Variants in PCDHA11 observed in about 807,000 individuals in gnomAD.
PCDHA11 encodes the protein protocadherin alpha 11.
PCDHA11 carries 61 observed loss-of-function variants against 70.3 expected under a neutral mutation model. That is an observed-to-expected ratio of 0.87 (90% CI 0.71 to 1.07). The LOEUF is 1.07. Among genes scored for constraint, PCDHA11 ranks in the 50% least tolerant of loss-of-function variants. The pLI, the probability that PCDHA11 is intolerant of heterozygous loss-of-function variation, is 0.00. For synonymous variants in PCDHA11, 633 were observed against 555.1 expected (o/e 1.14, Z -1.97); for missense variants, 1,324 against 1,237.5 (o/e 1.07, Z -1.05).
chr5:140,899,101 G>T (rs1554188394), intron 1 of PCDHA11, among the ~76,000 whole-genome samples: 5 of 152,096 alleles, frequency 3.3e-5, no homozygotes, highest in Non-Finnish European at 7.4e-5. Context: ...CTGAGATAAT[G>T]GGGTTTTCTA....
chr5:140,942,759 G>A (rs2093365403), intron 1 of PCDHA11, among the ~76,000 whole-genome samples: 1 of 152,074 alleles, frequency 6.6e-6, no homozygotes, highest in Admixed American at 6.6e-5. Context: ...AAATGAGATG[G>A]CATAATGTAT....
intron 1 of PCDHA11, among the ~76,000 whole-genome samples, chr5:140,937,827 G>A (rs1328688983): frequency 2.6e-5 from 4 of 151,564 alleles, no homozygotes; most frequent in Non-Finnish European, 5.9e-5. Context: ...CAGGAGAATG[G>A]CATGAACCTG....
chr5:141,000,689 A>G (rs1469257297), intron 3 of PCDHA11, among the ~76,000 whole-genome samples: 1 of 151,438 alleles, frequency 6.6e-6, no homozygotes, highest in African/African-American at 2.4e-5. Context: ...CTGCCTCCCA[A>G]AGTGCTGGGA....
intron 1 of PCDHA11, among the ~76,000 whole-genome samples, chr5:140,923,976 A>G (rs1257687753): frequency 6.6e-6 from 1 of 152,176 alleles, no homozygotes; most frequent in Non-Finnish European, 1.5e-5. Context: ...CACACATACT[A>G]TCCCTCTAGG....
At chr5:140,995,653 G>A (rs964259982) in intron 3 of PCDHA11, among the ~76,000 whole-genome samples, 1 of 152,100 alleles carries the variant, frequency 6.6e-6, no homozygotes, top group Non-Finnish European at 1.5e-5. Context: ...AAGGAGAATC[G>A]AAAAGGGAAG....
At chr5:140,966,539 T>C in intron 1 of PCDHA11, 1 of 462,182 alleles carries the variant, frequency 2.2e-6, no homozygotes, top group South Asian at 5.8e-5. Flanking sequence ...GTTGAGCGAC[T>C]CGGAGGCGAG....
At chr5:140,956,403 A>C (rs1475566345) in intron 1 of PCDHA11, among the ~76,000 whole-genome samples, 1 of 152,178 alleles carries the variant, frequency 6.6e-6, no homozygotes, top group African/African-American at 2.4e-5. Context: ...ATCCATTGAG[A>C]TAATCATGTG....
chr5:140,941,201 TC>T (rs1462646812), intron 1 of PCDHA11, among the ~76,000 whole-genome samples: 2 of 103,500 alleles, frequency 1.9e-5, no homozygotes, highest in African/African-American at 7.9e-5. Context: ...TTTTCTTTCT[TC>T]CTTTCTTTCT....
intron 3 of PCDHA11, among the ~76,000 whole-genome samples, chr5:140,988,180 G>C (rs2097285964): frequency 1.3e-5 from 2 of 152,134 alleles, no homozygotes; most frequent in Admixed American, 1.3e-4. Context: ...TGACAGTCCT[G>C]GGAGGTGTGT....
chr5:140,892,497 T>C (rs1459778884), intron 1 of PCDHA11, among the ~76,000 whole-genome samples: 1 of 152,238 alleles, frequency 6.6e-6, no homozygotes, highest in Non-Finnish European at 1.5e-5. Context: ...GAGAGATTGT[T>C]TAAGAAGTTC....
At chr5:140,981,041 A>C (rs72802989) in intron 2 of PCDHA11, among the ~76,000 whole-genome samples, 7,382 of 152,278 alleles carry the variant, frequency 0.048, 205 homozygotes, top group Non-Finnish European at 0.065. Context: ...GGGAAAAAAA[A>C]CAGATAATTC....
At chr5:140,899,423 G>A (rs2067323431) in intron 1 of PCDHA11, among the ~76,000 whole-genome samples, 1 of 152,134 alleles carries the variant, frequency 6.6e-6, no homozygotes. Context: ...TTTGTCAAAG[G>A]TCTTTTCTGC....
rs1325390456 is a variant in PCDHA11, at chr5:140,928,073, A to G, written c.2392-50876A>G. 8.7e-6 allele frequency: 14 copies of G among 1,614,066 alleles called. No homozygotes were observed. The highest frequency in any genetic ancestry group is 8.0e-5 in the African/African-American group (6 of 74,934). On this transcript the variant is annotated intron_variant, in intron 1 of 3. Coordinates refer to ENST00000398640, the MANE Select transcript of PCDHA11 (RefSeq NM_018902.5). ...CAGCTGACGGCTTCCTTTGACAACTACTACAGCCTGCTGATTGATGGGCCC... is the reference window on the plus strand; with the variant it reads ...CAGCTGACGGCTTCCTTTGACAACTGCTACAGCCTGCTGATTGATGGGCCC...
At chr5:141,000,857 A>G (rs1002294819) in intron 3 of PCDHA11, among the ~76,000 whole-genome samples, 7 of 152,132 alleles carry the variant, frequency 4.6e-5, no homozygotes, top group African/African-American at 1.7e-4. Context: ...GCAGTCAGCC[A>G]TGACCTCACC....
chr5:140,934,868 G>A (rs2090080725), intron 1 of PCDHA11, among the ~76,000 whole-genome samples: 1 of 152,128 alleles, frequency 6.6e-6, no homozygotes, highest in African/African-American at 2.4e-5. Flanking sequence ...CTTTGTGAGT[G>A]TGTTTGTGTA....
intron 1 of PCDHA11, among the ~76,000 whole-genome samples, chr5:140,913,400 C>T (rs2076319870): frequency 6.6e-6 from 1 of 152,108 alleles, no homozygotes; most frequent in South Asian, 2.1e-4. Context: ...CACTAATGAT[C>T]CTTTGAATTC....
chr5:140,993,406 T>G (rs1382987714), intron 3 of PCDHA11, among the ~76,000 whole-genome samples: 2 of 150,884 alleles, frequency 1.3e-5, no homozygotes, highest in Non-Finnish European at 2.9e-5. Context: ...TTAACCACCT[T>G]CATCAGCATT....
intron 3 of PCDHA11, among the ~76,000 whole-genome samples, chr5:140,994,216 G>A (rs2097604981): frequency 6.6e-6 from 1 of 152,178 alleles, no homozygotes; most frequent in Non-Finnish European, 1.5e-5. Flanking sequence ...GGGACCCAGG[G>A]TCTGTCTATG....
At chr5:140,960,748 A>C (rs1408249489) in intron 1 of PCDHA11, among the ~76,000 whole-genome samples, 1 of 152,008 alleles carries the variant, frequency 6.6e-6, no homozygotes, top group Non-Finnish European at 1.5e-5. Flanking sequence ...TCCATGGCTA[A>C]AATCCCAAGA....
Sources: gnomAD v4.1 joint callset for allele counts (sites outside exome capture counted in the v4.1 genomes callset) on GRCh38, gnomAD v4.1.1 for gene constraint, MANE v1.5 for transcripts, NCBI Gene and HGNC (gene_info 2026-07-23, HGNC 2026-07-21) for gene names.